Variants in IRF2 observed in about 807,000 individuals in gnomAD.
The protein encoded by IRF2 is interferon regulatory factor 2.
Under a neutral mutation model 40.6 loss-of-function variants are expected in IRF2, and 15 were observed. That is an observed-to-expected ratio of 0.37 (90% CI 0.25 to 0.57). IRF2 has a LOEUF of 0.57. Among genes scored for constraint, IRF2 ranks in the 20% least tolerant of loss-of-function variants. IRF2 has a pLI of 0.77. For synonymous variants in IRF2, 151 were observed against 165.5 expected, an observed-to-expected ratio of 0.91 and a Z score of 0.67; for missense variants, 317 against 455.7, an observed-to-expected ratio of 0.70 and a Z score of 2.77.
intron 1 of IRF2, among the ~76,000 whole-genome samples, chr4:184,470,631 G>A (rs543896691): frequency 1.1e-4 from 16 of 151,326 alleles, no homozygotes; most frequent in East Asian, 1.9e-4. Context: ...CAGAGGTTGC[G>A]GTGAGCTGAA....
chr4:184,403,734 C>T (rs1736751771), intron 6 of IRF2, among the ~76,000 whole-genome samples: 2 of 152,220 alleles, frequency 1.3e-5, no homozygotes, highest in Admixed American at 1.3e-4. Flanking sequence ...CTTAGCCCCT[C>T]TCAGGATAAA....
intron 1 of IRF2, among the ~76,000 whole-genome samples, chr4:184,439,690 T>A (rs772858370): frequency 9.9e-5 from 15 of 152,236 alleles, no homozygotes; most frequent in Non-Finnish European, 1.9e-4. Context: ...TGCACAATTT[T>A]CCTATTAGGC....
At chr4:184,434,264 G>A (rs371250671) in intron 1 of IRF2, among the ~76,000 whole-genome samples, 5 of 152,296 alleles carry the variant, frequency 3.3e-5, no homozygotes, top group Non-Finnish European at 5.9e-5. Flanking sequence ...ATTGTGTCGC[G>A]ACCTTGACTC....
At position 184,413,679 on chromosome 4, in the gene IRF2, G is replaced by A. The variant is rs899204745; in HGVS notation, c.411+4488C>T. 6.6e-6 allele frequency among the ~76,000 whole-genome samples: 1 copy of A among 152,186 alleles called. No individual in the cohort carries two copies. The highest frequency in any genetic ancestry group is 1.5e-5 in the Non-Finnish European group (1 of 68,044). On this transcript the variant is annotated intron_variant, in intron 5 of 8. Coordinates refer to ENST00000393593, the MANE Select transcript of IRF2 (RefSeq NM_002199.4). This position sits in a 1 kb window ranked among gnomAD's most constrained non-coding sequence, Gnocchi z 4.2. The stretch of plus-strand genomic sequence containing the variant: ...AGACCAGGCCTAATCTTTTCCAAGC[G>A]ACTTTGGCAGCCCTTCCCAATTCTG...
In IRF2 at chr4:184,434,442, C is replaced by G. The variant is rs577035516; in HGVS notation, c.-6-5372G>C. Reference sequence around the variant, plus strand: ...TCTGTAAGCTTCTCTTCTTGCACATCAGGTTGTTTTTAGAAGTAAAATGCT... The same window carrying G: ...TCTGTAAGCTTCTCTTCTTGCACATGAGGTTGTTTTTAGAAGTAAAATGCT... On this transcript the variant is annotated intron_variant, in intron 1 of 8. Transcript: ENST00000393593. 2.0e-5 allele frequency among the ~76,000 whole-genome samples: 3 copies of G among 152,236 alleles called. No individual in the cohort carries two copies. The South Asian group carries it at 6.2e-4, about 32-fold the overall frequency.
At chr4:184,445,428 C>T (rs983883340) in intron 1 of IRF2, among the ~76,000 whole-genome samples, 5 of 150,048 alleles carry the variant, frequency 3.3e-5, no homozygotes, top group East Asian at 4.0e-4. Context: ...CCAAGGCAGG[C>T]GGATTACGTG....
At chr4:184,456,513 C>T (rs1451765909) in intron 1 of IRF2, among the ~76,000 whole-genome samples, 1 of 152,240 alleles carries the variant, frequency 6.6e-6, no homozygotes, top group Admixed American at 6.5e-5. Flanking sequence ...CCTGAAGCTG[C>T]GAGTTCAGAG....
chr4:184,458,697 G>T (rs1439869749), intron 1 of IRF2, among the ~76,000 whole-genome samples: 1 of 152,070 alleles, frequency 6.6e-6, no homozygotes. Flanking sequence ...TTACAACTCA[G>T]TTATAATCCA....
chr4:184,468,012 C>T (rs1261374923), intron 1 of IRF2, among the ~76,000 whole-genome samples: 1 of 152,214 alleles, frequency 6.6e-6, no homozygotes, highest in Non-Finnish European at 1.5e-5. Flanking sequence ...ACCTGCTTCT[C>T]ATCTGCAGCC....
intron 1 of IRF2, among the ~76,000 whole-genome samples, chr4:184,442,895 T>TG (rs1738365041): frequency 5.8e-4 from 1 of 1,716 alleles, no homozygotes; most frequent in Non-Finnish European, 1.2e-3. Flanking sequence ...GGGGTGGGGG[T>TG]GGGGGTGGTG....
At chr4:184,472,808 C>G (rs1376853655) in intron 1 of IRF2, among the ~76,000 whole-genome samples, 1 of 152,218 alleles carries the variant, frequency 6.6e-6, no homozygotes, top group Non-Finnish European at 1.5e-5. Context: ...CGCCAAGGGT[C>G]CGGCCTACAC....
At chr4:184,393,014 T>C (rs886623463) in intron 7 of IRF2, among the ~76,000 whole-genome samples, 3 of 152,012 alleles carry the variant, frequency 2.0e-5, no homozygotes, top group Non-Finnish European at 4.4e-5. Context: ...CAAGAATTGT[T>C]TCCACGCAGA....
intron 1 of IRF2, among the ~76,000 whole-genome samples, chr4:184,461,158 T>A (rs1257032187): frequency 1.3e-5 from 2 of 152,214 alleles, no homozygotes; most frequent in Non-Finnish European, 2.9e-5. Context: ...GGGAGATAAT[T>A]ATCAGGATTT....
At chr4:184,421,817 C>T (rs1160849369) in intron 2 of IRF2, among the ~76,000 whole-genome samples, 1 of 152,214 alleles carries the variant, frequency 6.6e-6, no homozygotes, top group African/African-American at 2.4e-5. Context: ...CAGCAACATA[C>T]ACTATGGACC....
intron 2 of IRF2, among the ~76,000 whole-genome samples, chr4:184,421,714 C>G (rs1019759779): frequency 6.6e-6 from 1 of 152,022 alleles, no homozygotes; most frequent in East Asian, 1.9e-4. Context: ...AGCATCTGCA[C>G]GCATGCATGC....
chr4:184,460,643 A>ACACACACACACACATGCACGCG (rs1561128353), intron 1 of IRF2, among the ~76,000 whole-genome samples: 1 of 133,868 alleles, frequency 7.5e-6, no homozygotes, highest in African/African-American at 3.0e-5. Context: ...GCATGCACGC[A>ACACACACACACACATGCACGCG]CACACACACA....
chr4:184,392,967 G>A (rs753028049), intron 7 of IRF2, among the ~76,000 whole-genome samples: 2 of 152,094 alleles, frequency 1.3e-5, no homozygotes, highest in South Asian at 2.1e-4. Flanking sequence ...AGCTGACGAC[G>A]ATCCCAGCTA....
intron 1 of IRF2, among the ~76,000 whole-genome samples, chr4:184,440,233 G>A (rs998562853): frequency 6.6e-5 from 10 of 152,042 alleles, no homozygotes; most frequent in African/African-American, 1.2e-4. Context: ...CATTACCCAC[G>A]GCCTCCTTCC....
chr4:184,432,029 C>G (rs1029411776), intron 1 of IRF2: 8 of 152,158 alleles, frequency 5.3e-5, no homozygotes, highest in Non-Finnish European at 1.0e-4. Flanking sequence ...CAGCGAAGAT[C>G]AGTTTTAAAC....
Sources: gnomAD v4.1 joint callset for allele counts (sites outside exome capture counted in the v4.1 genomes callset) on GRCh38, gnomAD v4.1.1 for gene constraint, Gnocchi (gnomAD v3.1) non-coding constraint, MANE v1.5 for transcripts, NCBI Gene and HGNC (gene_info 2026-07-23, HGNC 2026-07-21) for gene names.